BRIP1: variants seen among roughly 807,000 people sequenced by gnomAD.
The protein encoded by BRIP1 is BRCA1 interacting DNA helicase 1.
A neutral mutation model predicts 119.7 loss-of-function variants in BRIP1; 88 were observed. That is an observed-to-expected ratio of 0.74 (90% CI 0.62 to 0.88). BRIP1 has a LOEUF of 0.88. Ranked by LOEUF, BRIP1 falls within the 40% of genes least tolerant of loss-of-function variation. The probability of loss-of-function intolerance (pLI) is 0.00; values close to 1 mark genes in which losing one functional copy is unlikely to be tolerated. For synonymous variants in BRIP1, 443 were observed against 496.5 expected, an observed-to-expected ratio of 0.89 and a Z score of 1.43; for missense variants, 1,259 against 1,455.4, an observed-to-expected ratio of 0.87 and a Z score of 2.20.
intron 13 of BRIP1, among the ~76,000 whole-genome samples, chr17:61,779,574 C>T (rs989868344): frequency 3.9e-5 from 6 of 152,080 alleles, no homozygotes; most frequent in African/African-American, 9.7e-5. Context: ...GAGCCAAGAT[C>T]GCACCACTGC....
chr17:61,815,414 G>A lies in BRIP1; in HGVS notation c.628-6657C>T, dbSNP rs1394725139. 6.6e-6 allele frequency among the ~76,000 whole-genome samples: 1 copy of A among 152,018 alleles called. No individual in the cohort carries two copies. Among genetic ancestry groups the A allele is most frequent in the Non-Finnish European group, 1.5e-5 (1 of 67,962 alleles). On this transcript the variant is annotated intron_variant, in intron 6 of 19. Transcript: ENST00000259008. The surrounding 1 kb of genome is among the most constrained non-coding windows in gnomAD (Gnocchi z 4.1). ...CAGAATTTATATCTGGTTTTTTAAC[G>A]AAAATCAAATGGAAACAACATTTTC...
rs985112329 is a variant in BRIP1, at chr17:61,736,570, GATTACTAT to G, written c.2379+6435_2379+6442del. On this transcript the variant is annotated intron_variant, in intron 16 of 19. Coordinates refer to ENST00000259008, the MANE Select transcript of BRIP1 (RefSeq NM_032043.3). The surrounding 1 kb of genome is among the most constrained non-coding windows in gnomAD (Gnocchi z 4.4). ...ACCATCCTGTTCATTATTATCTAAT[GATTACTAT>G]CATTTCCATCCTTAAAGTCTCCAGG... 4.6e-5 allele frequency among the ~76,000 whole-genome samples: 7 copies of G among 152,054 alleles called. No individual in the cohort carries two copies. The highest frequency in any genetic ancestry group is 8.8e-5 in the Non-Finnish European group (6 of 67,998).
In BRIP1 at chr17:61,778,531, T is replaced by C. The variant is rs973804719; in HGVS notation, c.1935+1730A>G. On this transcript the variant is annotated intron_variant, in intron 13 of 19. Transcript: ENST00000259008. This position sits in a 1 kb window ranked among gnomAD's most constrained non-coding sequence, Gnocchi z 4.4. ...TTTTAAATTTTAAGTTGAAGGAAAA[T>C]ATTACAGTGTAACAGAATCCAGCTG... is the stretch of plus-strand genomic sequence containing the variant. 6.6e-6 allele frequency among the ~76,000 whole-genome samples: 1 copy of C among 152,196 alleles called. No homozygotes were observed. The highest frequency in any genetic ancestry group is 2.4e-5 in the African/African-American group (1 of 41,458).
Position 61,703,082 on chromosome 17 carries a change from T to G in BRIP1, c.2493-9570A>C, listed in dbSNP as rs1437036935. On this transcript the variant is annotated intron_variant, in intron 17 of 19. Coordinates refer to ENST00000259008, the MANE Select transcript of BRIP1 (RefSeq NM_032043.3). The surrounding 1 kb of genome is among the most constrained non-coding windows in gnomAD (Gnocchi z 5.0). ...TTTGTTTTTGTTTGTTTGTTTGTTT[T>G]GAGACAGAGTCTCACTCTATTGCCC... is the stretch of plus-strand genomic sequence containing the variant. 6.6e-6 allele frequency among the ~76,000 whole-genome samples: 1 copy of G among 152,098 alleles called. No individual in the cohort carries two copies.
At chr17:61,817,505 G>C (rs1302089012) in intron 6 of BRIP1, among the ~76,000 whole-genome samples, 4 of 152,086 alleles carry the variant, frequency 2.6e-5, no homozygotes, top group African/African-American at 9.7e-5. Flanking sequence ...AGAGATTTGT[G>C]CTTCTATGGG....
rs868726556 is a variant in BRIP1, at chr17:61,815,857, T to C, written c.628-7100A>G. On this transcript the variant is annotated intron_variant, in intron 6 of 19. Coordinates refer to ENST00000259008, the MANE Select transcript of BRIP1 (RefSeq NM_032043.3). This position sits in a 1 kb window ranked among gnomAD's most constrained non-coding sequence, Gnocchi z 4.1. ...GAATTATACTACAAACTTTGAGACA[T>C]AAAAAAGGGTTTTTTAATCTTTATC... 6.6e-6 allele frequency among the ~76,000 whole-genome samples: 1 copy of C among 152,166 alleles called. No individual in the cohort carries two copies. Among genetic ancestry groups the C allele is most frequent in the Non-Finnish European group, 1.5e-5 (1 of 68,022 alleles).
At position 61,760,192 on chromosome 17, in the gene BRIP1, A is replaced by C. The variant is rs911259546; in HGVS notation, c.2098-15601T>G. 2.0e-5 allele frequency among the ~76,000 whole-genome samples: 3 copies of C among 151,960 alleles called. No individual in the cohort carries two copies. Among genetic ancestry groups the C allele is most frequent in the Non-Finnish European group, 4.4e-5 (3 of 67,898 alleles). On this transcript the variant is annotated intron_variant, in intron 14 of 19. Transcript: ENST00000259008. The surrounding 1 kb of genome is among the most constrained non-coding windows in gnomAD (Gnocchi z 4.6). ...AAACAACATGTTCCTGAACAACCAA[A>C]CAACCAAGGGGGCAATGAAGAAATT...
At position 61,770,251 on chromosome 17, in the gene BRIP1, C is replaced by T. The variant is rs1190214321; in HGVS notation, c.2097+6150G>A. Among the ~76,000 whole-genome samples, 2 of 152,182 alleles carry T rather than the reference C, an allele frequency of 1.3e-5. No homozygotes were observed. The highest frequency in any genetic ancestry group is 4.8e-5 in the African/African-American group (2 of 41,446). ...GACATAATCATAGGATTAGAAGATG[C>T]TTCCTGTTCCCCATACCTTACCACC... On this transcript the variant is annotated intron_variant, in intron 14 of 19. Transcript: ENST00000259008. The surrounding 1 kb of genome is among the most constrained non-coding windows in gnomAD (Gnocchi z 4.7).
rs34014195 is a variant in BRIP1 at position 61,803,098 on chromosome 17, CTTT to C, written c.919-1627_919-1625del. Among the ~76,000 whole-genome samples, 5 of 147,778 alleles carry C rather than the reference CTTT, an allele frequency of 3.4e-5. No homozygotes were observed. The highest frequency in any genetic ancestry group is 3.4e-4 in the Admixed American group (5 of 14,860). On this transcript the variant is annotated intron_variant, in intron 7 of 19. Transcript: ENST00000259008. This position sits in a 1 kb window ranked among gnomAD's most constrained non-coding sequence, Gnocchi z 4.3. The stretch of plus-strand genomic sequence containing the variant: ...CTAATGCCCTTTGCCATTCTATTAC[CTTT>C]TTTTTTTTCAGAGATGGGAGTCTCA...
chr17:61,845,539 G>A lies in BRIP1; in HGVS notation c.627+1562C>T, dbSNP rs1422630233. Among the ~76,000 whole-genome samples the A allele has an allele frequency of 6.6e-6, 1 of 152,154 alleles. No individual in the cohort carries two copies. Among genetic ancestry groups the A allele is most frequent in the East Asian group, 1.9e-4 (1 of 5,196 alleles). On this transcript the variant is annotated intron_variant, in intron 6 of 19. Transcript: ENST00000259008. This position sits in a 1 kb window ranked among gnomAD's most constrained non-coding sequence, Gnocchi z 4.2. ...AAAAGTCTGTAGTTATCACAAAGCT[G>A]CCAAGCTCAGAGTATATACAAATTT...
chr17:61,793,854 A>G lies in BRIP1; in HGVS notation c.1341-125T>C. The G allele has an allele frequency of 1.0e-6, 1 of 963,138 alleles. No homozygotes were observed. The highest frequency in any genetic ancestry group is 1.4e-6 in the Non-Finnish European group (1 of 690,048). The allele number at this position is 963,138 out of a possible 1,614,324, so 59.7% of individuals were successfully genotyped here. A position where few individuals can be genotyped will look rare whatever the true frequency, so the allele number is the denominator to read the frequency against. On this transcript the variant is annotated intron_variant, in intron 9 of 19. Transcript: ENST00000259008. This position sits in a 1 kb window ranked among gnomAD's most constrained non-coding sequence, Gnocchi z 5.2. ...ATATCTTGACATTCTTAGGACATGA[A>G]TGTGGATTAATTAAGACACCTTTTA... is the stretch of plus-strand genomic sequence containing the variant.
Position 61,717,266 on chromosome 17 carries a change from T to G in BRIP1, c.2380-1203A>C, listed in dbSNP as rs8074279. ...TCTATGTATTTTATTCAGATTTCTG[T>G]TTTGTCCCAAAAGATTATCTTTTAA... On this transcript the variant is annotated intron_variant, in intron 16 of 19. Coordinates refer to ENST00000259008, the MANE Select transcript of BRIP1 (RefSeq NM_032043.3). This position sits in a 1 kb window ranked among gnomAD's most constrained non-coding sequence, Gnocchi z 4.1. Among the ~76,000 whole-genome samples, 3 of 151,792 alleles carry G rather than the reference T, an allele frequency of 2.0e-5. No homozygotes were observed. Among genetic ancestry groups the G allele is most frequent in the Non-Finnish European group, 2.9e-5 (2 of 67,872 alleles).
rs1178278303 is a variant in BRIP1, at chr17:61,717,310, A to G, written c.2380-1247T>C. 6.6e-6 allele frequency among the ~76,000 whole-genome samples: 1 copy of G among 152,100 alleles called. No individual in the cohort carries two copies. Among genetic ancestry groups the G allele is most frequent in the Non-Finnish European group, 1.5e-5 (1 of 67,954 alleles). On this transcript the variant is annotated intron_variant, in intron 16 of 19. Coordinates refer to ENST00000259008, the MANE Select transcript of BRIP1 (RefSeq NM_032043.3). The surrounding 1 kb of genome is among the most constrained non-coding windows in gnomAD (Gnocchi z 4.1). The stretch of plus-strand genomic sequence containing the variant: ...CTTTTAAAATATACCGTATTTACCC[A>G]CAGATTTACCATTTCTGGCACTCTT...
rs2077064530 is a variant in BRIP1, at chr17:61,746,832, C to T, written c.2098-2241G>A. On this transcript the variant is annotated intron_variant, in intron 14 of 19. Transcript: ENST00000259008. The surrounding 1 kb of genome is among the most constrained non-coding windows in gnomAD (Gnocchi z 4.9). ...ACGGAACTTGAACAATACTAGAGAC[C>T]AGATGGACCTGACATATATAGAACA... Among the ~76,000 whole-genome samples, 1 of 151,928 alleles carries T rather than the reference C, an allele frequency of 6.6e-6. No individual in the cohort carries two copies. Among genetic ancestry groups the T allele is most frequent in the African/African-American group, 2.4e-5 (1 of 41,368 alleles).
chr17:61,712,692 T>G (rs1603291822), intron 17 of BRIP1, among the ~76,000 whole-genome samples: 1 of 151,930 alleles, frequency 6.6e-6, no homozygotes, highest in Non-Finnish European at 1.5e-5. Context: ...GATCACAAGG[T>G]CAAGAAATCG....
rs1003672930 is a variant in BRIP1, at chr17:61,780,758, A to G, written c.1794+82T>C. ...ACAACAACAACAACAACAAACAACT[A>G]TCTTTAAAAGAGTCAACCACATTTA... On this transcript the variant is annotated intron_variant, in intron 12 of 19. Transcript: ENST00000259008. The surrounding 1 kb of genome is among the most constrained non-coding windows in gnomAD (Gnocchi z 5.4). 1 of 1,470,468 alleles carries G rather than the reference A, an allele frequency of 6.8e-7. No individual in the cohort carries two copies. The highest frequency in any genetic ancestry group is 2.3e-5 in the East Asian group (1 of 44,184). The allele number at this position is 1,470,468 out of a possible 1,614,324, so 91.1% of individuals were successfully genotyped here. A position where few individuals can be genotyped will look rare whatever the true frequency, so the allele number is the denominator to read the frequency against.
At chr17:61,723,015 C>G (rs2062007908) in intron 16 of BRIP1, among the ~76,000 whole-genome samples, 1 of 152,086 alleles carries the variant, frequency 6.6e-6, no homozygotes, top group South Asian at 2.1e-4. Context: ...GTTCTTATTA[C>G]ATAAACAGAT....
rs1389007279 is a variant in BRIP1, at chr17:61,704,358, T to C, written c.2493-10846A>G. ...AGAAGAGATTATGTAAAATTTGTGT[T>C]ATTTCTTCTTTAAATGTTTGGTAAT... On this transcript the variant is annotated intron_variant, in intron 17 of 19. Coordinates refer to ENST00000259008, the MANE Select transcript of BRIP1 (RefSeq NM_032043.3). The surrounding 1 kb of genome is among the most constrained non-coding windows in gnomAD (Gnocchi z 5.7). Among the ~76,000 whole-genome samples the C allele has an allele frequency of 6.6e-6, 1 of 152,200 alleles. No individual in the cohort carries two copies. Among genetic ancestry groups the C allele is most frequent in the Non-Finnish European group, 1.5e-5 (1 of 68,032 alleles).
intron 17 of BRIP1, among the ~76,000 whole-genome samples, chr17:61,702,972 C>CTTTTTTTTTTTTTTTT (rs61428664): frequency 8.0e-6 from 1 of 125,222 alleles, no homozygotes. Context: ...AGCATCTGTT[C>CTTTTTTTTTTTTTTTT]TTTTTTTTTT....
Sources: gnomAD v4.1 joint callset for allele counts (sites outside exome capture counted in the v4.1 genomes callset) on GRCh38, gnomAD v4.1.1 for gene constraint, Gnocchi (gnomAD v3.1) non-coding constraint, MANE v1.5 for transcripts, NCBI Gene and HGNC (gene_info 2026-07-23, HGNC 2026-07-21) for gene names.